Variants in SFPQ observed in about 807,000 individuals in gnomAD.
SFPQ encodes splicing factor, proline- and glutamine-rich.
A neutral mutation model predicts 72.9 loss-of-function variants in SFPQ; 11 were observed. The observed-to-expected ratio is 0.15, with a 90% CI of 0.09 to 0.25. The LOEUF is 0.25. Among genes scored for constraint, SFPQ ranks in the 10% least tolerant of loss-of-function variants. The pLI is 1.00. For synonymous variants in SFPQ, 506 were observed against 367.3 expected (o/e 1.38, Z -4.32); for missense variants, 847 against 993.3 (o/e 0.85, Z 1.98).
chr1:35,178,359 AC>A, downstream of SFPQ: 1 of 1,063,666 alleles, frequency 9.4e-7, no homozygotes, highest in South Asian at 4.4e-5. Flanking sequence ...GTATGTGACA[AC>A]GTTGACCTCA....
intron 9 of SFPQ, among the ~76,000 whole-genome samples, chr1:35,186,085 G>GTAGA (rs1438188742): frequency 6.6e-6 from 1 of 152,096 alleles, no homozygotes; most frequent in African/African-American, 2.4e-5. Context: ...AAAGTCTTAG[G>GTAGA]TAGATTATAA....
Position 35,184,127 on chromosome 1 carries a change from T to G in SFPQ, c.*329A>C. The G allele has an allele frequency of 8.8e-7, 1 of 1,137,188 alleles. No homozygotes were observed. Among genetic ancestry groups the G allele is most frequent in the Non-Finnish European group, 1.1e-6 (1 of 926,474 alleles). 70.4% of individuals were successfully genotyped at this position (1,137,188 alleles called of 1,614,324 possible). A position where few individuals can be genotyped will look rare whatever the true frequency, so the allele number is the denominator to read the frequency against. ...CAAAGTTGAAGATCAATATTATAAC[T>G]ATTTTTCTATTTATTTGAAGCACAG... On this transcript the variant is annotated 3_prime_UTR_variant, in exon 10 of 10. Coordinates refer to ENST00000357214, the MANE Select transcript of SFPQ (RefSeq NM_005066.3).
chr1:35,187,605 C>T (rs974552741), intron 7 of SFPQ, among the ~76,000 whole-genome samples: 1 of 152,060 alleles, frequency 6.6e-6, no homozygotes, highest in African/African-American at 2.4e-5. Context: ...ATGGCAGGCA[C>T]TTGTAATCCC....
chr1:35,185,117 A>C (rs1639643331), intron 9 of SFPQ, among the ~76,000 whole-genome samples: 1 of 152,270 alleles, frequency 6.6e-6, no homozygotes. Context: ...AGTTGCAGAA[A>C]TCTTAAAAGG....
downstream of SFPQ, chr1:35,178,967 G>C (rs181709286): frequency 9.5e-7 from 1 of 1,054,450 alleles, no homozygotes; most frequent in Admixed American, 5.5e-5. Context: ...AGCAACTGTT[G>C]AGATTTCCAG....
chr1:35,183,093 C>T lies in SFPQ; in HGVS notation c.*1363G>A. The stretch of plus-strand genomic sequence containing the variant: ...CTGCAACCCTATTTGTTAACAATCA[C>T]CACTAGCTCTTAGAAGAGAACCAAT... On this transcript the variant is annotated 3_prime_UTR_variant, in exon 10 of 10. Coordinates refer to ENST00000357214, the MANE Select transcript of SFPQ (RefSeq NM_005066.3). 4 of 1,030,494 alleles carry T rather than the reference C, an allele frequency of 3.9e-6. No individual in the cohort carries two copies. The highest frequency in any genetic ancestry group is 4.7e-6 in the Non-Finnish European group (4 of 858,568). The allele number at this position is 1,030,494 out of a possible 1,614,324, so 63.8% of individuals were successfully genotyped here.
chr1:35,191,016 T>C (rs368423700), intron 2 of SFPQ, 21 bp from the exon 3 acceptor site: 50 of 1,598,786 alleles, frequency 3.1e-5, no homozygotes, highest in Admixed American at 8.6e-5. Flanking sequence ...GAGACACTCA[T>C]GTTAATGACC....
At chr1:35,185,512 A>G (rs542355668) in intron 9 of SFPQ, among the ~76,000 whole-genome samples, 2 of 152,348 alleles carry the variant, frequency 1.3e-5, no homozygotes, top group East Asian at 3.9e-4. Context: ...TTCTGGAGAT[A>G]GAAGTTTTCA....
At position 35,184,162 on chromosome 1, in the gene SFPQ, A is replaced by AC. The variant is rs1557791664; in HGVS notation, c.*293_*294insG. The AC allele has an allele frequency of 1.7e-6, 2 of 1,160,886 alleles. No individual in the cohort carries two copies. The highest frequency in any genetic ancestry group is 2.1e-6 in the Non-Finnish European group (2 of 943,684). The allele number at this position is 1,160,886 out of a possible 1,614,324, so 71.9% of individuals were successfully genotyped here. Reference sequence around the variant, plus strand: ...TTTATTTGAAGCACAGTAAAAAAAAAAAAATTGGTACACTTTGGAAATTCA... The same window carrying AC: ...TTTATTTGAAGCACAGTAAAAAAAAACAAAATTGGTACACTTTGGAAATTCA... On this transcript the variant is annotated 3_prime_UTR_variant, in exon 10 of 10. Coordinates refer to ENST00000357214, the MANE Select transcript of SFPQ (RefSeq NM_005066.3).
chr1:35,190,978 A>G lies in SFPQ; in HGVS notation c.1035T>C (p.Ala345=), dbSNP rs1253341196. The G allele has an allele frequency of 1.2e-6, 2 of 1,613,482 alleles. 1 individual carries two copies. Among genetic ancestry groups the G allele is most frequent in the African/African-American group, 2.7e-5 (2 of 74,896 alleles). ...GFIKLESRAL[A]EIAKAELDDT... ...CATCCAGTTCGGCTTTGGCAATTTC[A>G]GCCAAAGCTCTAGATTCCTGTGTAT... is the stretch of plus-strand genomic sequence containing the variant. Residue 345 remains alanine (A), a synonymous_variant, in exon 3 of 10, where the codon GCT becomes GCC. Transcript: ENST00000357214.
downstream of SFPQ, chr1:35,178,007 C>A (rs1639317673): frequency 7.7e-7 from 1 of 1,290,802 alleles, no homozygotes; most frequent in Non-Finnish European, 1.0e-6. Flanking sequence ...AATGAGCACT[C>A]CAATATCAGC....
chr1:35,177,518 A>G (rs80099351), intron 4 of SFPQ: 10,455 of 152,214 alleles, frequency 0.069, 907 homozygotes, highest in East Asian at 0.38. Context: ...ACACCTGGCT[A>G]TATTTTTTTC....
intron 9 of SFPQ, among the ~76,000 whole-genome samples, chr1:35,185,086 G>C (rs1339400409): frequency 1.3e-5 from 2 of 152,094 alleles, no homozygotes; most frequent in Non-Finnish European, 2.9e-5. Flanking sequence ...TGCTTTTCAA[G>C]ATCTTAAGAC....
At position 35,192,948 on chromosome 1, in the gene SFPQ, C is replaced by T. The variant is rs1472254482; in HGVS notation, c.102G>A (p.Pro34=). ...GRGGLHDFRS[P]PPGMGLNQNR... is the part of the protein sequence containing the mutation. ...TCTGATTGAGGCCCATGCCGGGCGG[C>T]GGAGAACGGAAGTCGTGGAGGCCGC... The change falls in exon 1 of 10, where the codon CCG becomes CCA. Residue 34 remains proline, a synonymous_variant. Transcript: ENST00000357214. 3.8e-6 allele frequency: 6 copies of T among 1,581,476 alleles called. No homozygotes were observed. Among genetic ancestry groups the T allele is most frequent in the Non-Finnish European group, 5.1e-6 (6 of 1,171,542 alleles).
chr1:35,192,911 T>G lies in SFPQ; in HGVS notation c.139A>C (p.Met47Leu). The G allele has an allele frequency of 6.5e-7, 1 of 1,537,336 alleles. No homozygotes were observed. Among genetic ancestry groups the G allele is most frequent in the Non-Finnish European group, 8.7e-7 (1 of 1,146,162 alleles). ...CCGCTCTGGCCCGGGCCAGGACCCA[T>G]GGGGCCGCGATTCTGATTGAGGCCC... Reference protein sequence around the residue: ...GMGLNQNRGPMGPGPGQSGPK... With the variant: ...GMGLNQNRGPLGPGPGQSGPK... The change falls in exon 1 of 10, where the codon ATG becomes CTG. Residue 47 changes from methionine (M) to leucine (L), a missense_variant. Met to Leu is a conservative substitution (Grantham distance 15, BLOSUM62 2). Coordinates refer to ENST00000357214, the MANE Select transcript of SFPQ (RefSeq NM_005066.3).
In SFPQ at chr1:35,192,719, C is replaced by T; in HGVS notation, c.331G>A (p.Val111Ile). The T allele has an allele frequency of 6.8e-7, 1 of 1,475,438 alleles. No homozygotes were observed. Among genetic ancestry groups the T allele is most frequent in the Non-Finnish European group, 8.9e-7 (1 of 1,120,352 alleles). 91.4% of individuals were successfully genotyped at this position (1,475,438 alleles called of 1,614,324 possible). Residue 111 changes from valine (V) to isoleucine (I), a missense_variant, in exon 1 of 10, where the codon GTT becomes ATT. Val to Ile is a conservative substitution (Grantham distance 29). Coordinates refer to ENST00000357214, the MANE Select transcript of SFPQ (RefSeq NM_005066.3). ...GGAGCGGGGCCGGGTCCCTGAGCAACGACGGGCTTGGAAGAGTCCTGCGGC... is the reference window on the plus strand; with the variant it reads ...GGAGCGGGGCCGGGTCCCTGAGCAATGACGGGCTTGGAAGAGTCCTGCGGC... The part of the protein sequence containing the change: ...PPPQDSSKPV[V>I]AQGPGPAPGV...
intron 7 of SFPQ, among the ~76,000 whole-genome samples, chr1:35,187,546 C>T (rs1028584632): frequency 6.6e-6 from 1 of 152,148 alleles, no homozygotes; most frequent in African/African-American, 2.4e-5. Flanking sequence ...GCCTGGCCAA[C>T]AAGGCGAAAC....
chr1:35,183,541 A>G lies in SFPQ; in HGVS notation c.*915T>C. 9.8e-7 allele frequency: 1 copy of G among 1,015,890 alleles called. No homozygotes were observed. The highest frequency in any genetic ancestry group is 1.2e-6 in the Non-Finnish European group (1 of 847,624). The allele number at this position is 1,015,890 out of a possible 1,614,324, so 62.9% of individuals were successfully genotyped here. Reference sequence around the variant, plus strand: ...CCAGTTACTAAACCTTCTTACTTTCAAGTTTTGTTTTTTAGACTACACCCC... The same window carrying G: ...CCAGTTACTAAACCTTCTTACTTTCGAGTTTTGTTTTTTAGACTACACCCC... On this transcript the variant is annotated 3_prime_UTR_variant, in exon 10 of 10. Transcript: ENST00000357214.
Position 35,183,225 on chromosome 1 carries a change from CTTTTT to C in SFPQ, c.*1226_*1230del, listed in dbSNP as rs776963224. 0.045 allele frequency: 33,906 copies of C among 761,118 alleles called. 616 individuals are homozygous for C. The highest frequency in any genetic ancestry group is 0.048 in the Non-Finnish European group (31,762 of 665,992). 47.1% of individuals were successfully genotyped at this position (761,118 alleles called of 1,614,324 possible). A position where few individuals can be genotyped will look rare whatever the true frequency, so the allele number is the denominator to read the frequency against. On this transcript the variant is annotated 3_prime_UTR_variant, in exon 10 of 10. Coordinates refer to ENST00000357214, the MANE Select transcript of SFPQ (RefSeq NM_005066.3). The stretch of plus-strand genomic sequence containing the variant: ...AACTAAACCTACTTCAGTACTAAAC[CTTTTT>C]TTTTTTTTGAGACAGAGTCTCGCTC...
Sources: gnomAD v4.1 joint callset for allele counts (sites outside exome capture counted in the v4.1 genomes callset) on GRCh38, gnomAD v4.1.1 for gene constraint, MANE v1.5 for transcripts, NCBI Gene and HGNC (gene_info 2026-07-23, HGNC 2026-07-21) for gene names.